Variants in ATXN7L1 observed in about 807,000 individuals in gnomAD.
The protein encoded by ATXN7L1 is ataxin-7-like protein 1.
Under a neutral mutation model 70.8 loss-of-function variants are expected in ATXN7L1, and 15 were observed. The observed-to-expected ratio is 0.21, with a 90% CI of 0.14 to 0.33. ATXN7L1 has a LOEUF of 0.33. Among genes scored for constraint, ATXN7L1 ranks in the 10% least tolerant of loss-of-function variants. The probability of loss-of-function intolerance (pLI) is 1.00; values close to 1 mark genes in which losing one functional copy is unlikely to be tolerated. For missense variants in ATXN7L1, 975 were observed against 1,097.1 expected, an observed-to-expected ratio of 0.89 and a Z score of 1.57; for synonymous variants, 440 against 445.1, an observed-to-expected ratio of 0.99 and a Z score of 0.14.
chr7:105,701,570 T>C (rs1361836133), intron 3 of ATXN7L1, among the ~76,000 whole-genome samples: 1 of 152,206 alleles, frequency 6.6e-6, no homozygotes, highest in African/African-American at 2.4e-5. Flanking sequence ...ACTATATTAT[T>C]ATGCAAAACA....
intron 3 of ATXN7L1, among the ~76,000 whole-genome samples, chr7:105,750,211 T>C (rs920516940): frequency 1.3e-5 from 2 of 151,874 alleles, no homozygotes; most frequent in African/African-American, 4.8e-5. Flanking sequence ...ATTGTTAAGT[T>C]TGTGTTTCAA....
intron 2 of ATXN7L1, among the ~76,000 whole-genome samples, chr7:105,842,395 C>T (rs116917483): frequency 0.023 from 3,535 of 152,288 alleles, 54 homozygotes; most frequent in Middle Eastern, 0.061. Flanking sequence ...CAGCCTCTGG[C>T]AACCACTAAT....
At chr7:105,757,533 C>CT (rs555519646) in intron 3 of ATXN7L1, among the ~76,000 whole-genome samples, 2,447 of 92,250 alleles carry the variant, frequency 0.027, 61 homozygotes, top group East Asian at 0.072. Flanking sequence ...CATTCAAAAG[C>CT]TTTTTTTTTT....
At chr7:105,762,501 C>A (rs1329811307) in intron 3 of ATXN7L1, among the ~76,000 whole-genome samples, 1 of 152,208 alleles carries the variant, frequency 6.6e-6, no homozygotes, top group East Asian at 1.9e-4. Context: ...GGGGCCTGCA[C>A]AACCCCTATA....
At chr7:105,860,973 C>T (rs1816544007) in intron 2 of ATXN7L1, among the ~76,000 whole-genome samples, 1 of 152,198 alleles carries the variant, frequency 6.6e-6, no homozygotes, top group Non-Finnish European at 1.5e-5. Flanking sequence ...AAAGTACACG[C>T]TGGGCATGGC....
chr7:105,824,099 G>T (rs1810522236), intron 2 of ATXN7L1, among the ~76,000 whole-genome samples: 1 of 152,162 alleles, frequency 6.6e-6, no homozygotes, highest in African/African-American at 2.4e-5. Context: ...GCCTCCATCT[G>T]CTCTTAGAGC....
chr7:105,806,265 A>G (rs1807584025), intron 2 of ATXN7L1, among the ~76,000 whole-genome samples: 1 of 152,016 alleles, frequency 6.6e-6, no homozygotes, highest in South Asian at 2.1e-4. Context: ...TTACATGGGG[A>G]CCTAAAAGTG....
chr7:105,710,107 C>G (rs1793692577), intron 3 of ATXN7L1, among the ~76,000 whole-genome samples: 1 of 152,180 alleles, frequency 6.6e-6, no homozygotes, highest in African/African-American at 2.4e-5. Flanking sequence ...GCCTTGGCCT[C>G]CCAATGTGTT....
chr7:105,809,223 G>A (rs763787113), intron 2 of ATXN7L1, among the ~76,000 whole-genome samples: 9 of 152,176 alleles, frequency 5.9e-5, no homozygotes, highest in Non-Finnish European at 1.3e-4. Flanking sequence ...AAGGGTTAGT[G>A]ACTAATATAT....
At chr7:105,730,713 C>CAGAGTCT (rs1023047252) in intron 3 of ATXN7L1, among the ~76,000 whole-genome samples, 2 of 149,562 alleles carry the variant, frequency 1.3e-5, no homozygotes, top group Non-Finnish European at 3.0e-5. Context: ...GCCTGGGCAA[C>CAGAGTCT]AGAGTGAGAC....
intron 4 of ATXN7L1, among the ~76,000 whole-genome samples, chr7:105,660,768 A>T (rs1801486161): frequency 6.6e-6 from 1 of 151,846 alleles, no homozygotes; most frequent in South Asian, 2.1e-4. Context: ...TTTTTAGTAG[A>T]GACAGGGTTT....
intron 2 of ATXN7L1, among the ~76,000 whole-genome samples, chr7:105,792,394 G>T (rs1322709714): frequency 6.6e-6 from 1 of 152,226 alleles, no homozygotes; most frequent in African/African-American, 2.4e-5. Context: ...AGCAAAGACA[G>T]GCAGCTGGCT....
chr7:105,816,511 C>T (rs114787776), intron 2 of ATXN7L1, among the ~76,000 whole-genome samples: 3,041 of 152,276 alleles, frequency 0.02, 100 homozygotes, highest in African/African-American at 0.069. Flanking sequence ...GATTCAGAAC[C>T]TATAAATGTG....
intron 3 of ATXN7L1, among the ~76,000 whole-genome samples, chr7:105,784,360 G>A (rs1315448040): frequency 6.6e-6 from 1 of 151,944 alleles, no homozygotes; most frequent in African/African-American, 2.4e-5. Context: ...CTCACAATTT[G>A]GTATCAGAAA....
rs532923935 is a variant in ATXN7L1, at chr7:105,725,556, AT to A, written c.356-60269del. 2.6e-4 allele frequency among the ~76,000 whole-genome samples: 39 copies of A among 150,120 alleles called. No individual in the cohort carries two copies. In the East Asian group the frequency reaches 7.3e-3, roughly 28 times the overall value. On this transcript the variant is annotated intron_variant, in intron 3 of 11. Coordinates refer to ENST00000419735, the MANE Select transcript of ATXN7L1 (RefSeq NM_020725.2). Reference sequence around the variant, plus strand: ...TGCTCTCCAAATGGGAAGCACATACATTGCGAGCAACTTTAATTTCCATTTC... The same window carrying A: ...TGCTCTCCAAATGGGAAGCACATACATGCGAGCAACTTTAATTTCCATTTC...
chr7:105,850,635 C>G (rs975459636), intron 2 of ATXN7L1, among the ~76,000 whole-genome samples: 1 of 152,198 alleles, frequency 6.6e-6, no homozygotes, highest in Non-Finnish European at 1.5e-5. Flanking sequence ...TCCTGAAGAA[C>G]GAGCACAGAG....
chr7:105,785,050 G>A (rs1405994715), intron 3 of ATXN7L1, among the ~76,000 whole-genome samples: 1 of 152,204 alleles, frequency 6.6e-6, no homozygotes, highest in African/African-American at 2.4e-5. Flanking sequence ...ACAGGGTGTT[G>A]GCCTGTGCCC....
intron 2 of ATXN7L1, among the ~76,000 whole-genome samples, chr7:105,832,576 T>TG: frequency 6.6e-6 from 1 of 152,228 alleles, no homozygotes; most frequent in Non-Finnish European, 1.5e-5. Context: ...CAGATGCCCC[T>TG]GCACCTTCTG....
At chr7:105,816,297 G>A (rs1809183818) in intron 2 of ATXN7L1, among the ~76,000 whole-genome samples, 1 of 152,150 alleles carries the variant, frequency 6.6e-6, no homozygotes, top group African/African-American at 2.4e-5. Context: ...AGTCTGAGAA[G>A]GGCACTAGCT....
Sources: gnomAD v4.1 joint callset for allele counts (sites outside exome capture counted in the v4.1 genomes callset) on GRCh38, gnomAD v4.1.1 for gene constraint, MANE v1.5 for transcripts, NCBI Gene and HGNC (gene_info 2026-07-23, HGNC 2026-07-21) for gene names.